The following PGM5 variants were observed in gnomAD, a reference collection of about 807,000 sequenced individuals.
PGM5 encodes phosphoglucomutase 5.
A neutral mutation model predicts 59.2 loss-of-function variants in PGM5; 23 were observed. That is an observed-to-expected ratio of 0.39 (90% confidence interval 0.28 to 0.55). PGM5 has a LOEUF of 0.55. PGM5 is among the 20% of genes least tolerant of loss of function. The pLI is 0.66. For synonymous variants in PGM5, 214 were observed against 286.0 expected, an observed-to-expected ratio of 0.75 and a Z score of 2.54; for missense variants, 574 against 748.3, an observed-to-expected ratio of 0.77 and a Z score of 2.72.
At chr9:68,497,280 T>C (rs1406859137) in intron 9 of PGM5, 1 of 152,236 alleles carries the variant, frequency 6.6e-6, no homozygotes, top group Non-Finnish European at 1.5e-5. Flanking sequence ...TATATTCATA[T>C]ACCCAGGATT....
rs376549268 is a variant in PGM5, at chr9:68,456,509, T to C, written c.1044-8584T>C. Among the ~76,000 whole-genome samples, 94 of 149,058 alleles carry C rather than the reference T, an allele frequency of 6.3e-4. No homozygotes were observed. In the East Asian group the frequency reaches 0.015, roughly 24 times the overall value. Reference sequence around the variant, plus strand: ...TTTTTTTTTGTATTTTTAGTAGAGATGGGGTTTCACCCCATCAGCCAGGAT... The same window carrying C: ...TTTTTTTTTGTATTTTTAGTAGAGACGGGGTTTCACCCCATCAGCCAGGAT... On this transcript the variant is annotated intron_variant, in intron 6 of 10. Transcript: ENST00000396396.
At chr9:68,441,828 C>T (rs148364962) in intron 6 of PGM5, among the ~76,000 whole-genome samples, 18 of 151,602 alleles carry the variant, frequency 1.2e-4, no homozygotes, top group Admixed American at 2.0e-4. Context: ...TCATAAATAA[C>T]GTAATTGTCT....
chr9:68,488,711 ACT>A (rs1824338351), intron 9 of PGM5, among the ~76,000 whole-genome samples: 1 of 149,856 alleles, frequency 6.7e-6, no homozygotes, highest in South Asian at 2.1e-4. Flanking sequence ...CCCAAGAGAG[ACT>A]CTGTTTGATT....
intron 6 of PGM5, among the ~76,000 whole-genome samples, chr9:68,434,435 T>C (rs902060999): frequency 6.6e-6 from 1 of 152,172 alleles, no homozygotes; most frequent in Non-Finnish European, 1.5e-5. Context: ...ATAGGGTACT[T>C]TGAGGTCCAC....
intron 10 of PGM5, among the ~76,000 whole-genome samples, chr9:68,502,109 G>A (rs569702038): frequency 6.6e-6 from 1 of 152,316 alleles, no homozygotes; most frequent in African/African-American, 2.4e-5. Context: ...TGGTGGTAAG[G>A]AGAGGATGGG....
In PGM5 at chr9:68,437,924, A is replaced by G. The variant is rs1823465622; in HGVS notation, c.1044-27169A>G. 6.6e-6 allele frequency among the ~76,000 whole-genome samples: 1 copy of G among 152,128 alleles called. No individual in the cohort carries two copies. ...TGTCCCCATAATTCTCTGTTGTCACATATCCAGCTGGCTGCTTTACCACAC... is the reference window on the plus strand; with the variant it reads ...TGTCCCCATAATTCTCTGTTGTCACGTATCCAGCTGGCTGCTTTACCACAC... On this transcript the variant is annotated intron_variant, in intron 6 of 10. Transcript: ENST00000396396. The surrounding 1 kb of genome is among the most constrained non-coding windows in gnomAD (Gnocchi z 4.1).
chr9:68,367,973 T>G (rs1834711731), intron 1 of PGM5, among the ~76,000 whole-genome samples: 1 of 152,132 alleles, frequency 6.6e-6, no homozygotes, highest in Non-Finnish European at 1.5e-5. Flanking sequence ...GTTTTTGTTT[T>G]GGGGATATAT....
chr9:68,446,689 G>A (rs559836933), intron 6 of PGM5, among the ~76,000 whole-genome samples: 2 of 152,204 alleles, frequency 1.3e-5, no homozygotes, highest in Non-Finnish European at 2.9e-5. Context: ...TAATACTGGG[G>A]TGGAGAAGCT....
chr9:68,514,364 G>A (rs970383969), intron 10 of PGM5, among the ~76,000 whole-genome samples: 2 of 152,174 alleles, frequency 1.3e-5, no homozygotes, highest in Admixed American at 6.5e-5. Context: ...CACTTTGGGA[G>A]GCTGAGACGG....
intron 1 of PGM5, among the ~76,000 whole-genome samples, chr9:68,374,412 A>T: frequency 6.8e-6 from 1 of 147,708 alleles, no homozygotes; most frequent in Non-Finnish European, 1.5e-5. Flanking sequence ...TATAGGTGTA[A>T]TTATTGTCCT....
In PGM5 at chr9:68,484,382, A is replaced by C. The variant is rs542346883; in HGVS notation, c.1479+334A>C. ...AGACCCCCATCTCTACCAAAAAAAA[A>C]AAAAAAAAATAGCTGGGCATGGTGG... On this transcript the variant is annotated intron_variant, in intron 9 of 10. Coordinates refer to ENST00000396396, the MANE Select transcript of PGM5 (RefSeq NM_021965.4). Among the ~76,000 whole-genome samples, 36 of 151,778 alleles carry C rather than the reference A, an allele frequency of 2.4e-4. No individual in the cohort carries two copies. In the East Asian group the frequency reaches 6.4e-3, roughly 27 times the overall value.
intron 1 of PGM5, among the ~76,000 whole-genome samples, chr9:68,373,396 T>C (rs1821791180): frequency 6.6e-6 from 1 of 152,144 alleles, no homozygotes; most frequent in South Asian, 2.1e-4. Flanking sequence ...ATAACTAAAG[T>C]ATTTCAGGTT....
At chr9:68,399,871 A>T (rs1822622052) in intron 6 of PGM5, among the ~76,000 whole-genome samples, 1 of 152,094 alleles carries the variant, frequency 6.6e-6, no homozygotes, top group Non-Finnish European at 1.5e-5. Context: ...ATTTTTCCTG[A>T]AAATTGTTTT....
Position 68,529,866 on chromosome 9 carries a change from T to C in PGM5, c.*210T>C. Reference sequence around the variant, plus strand: ...CCTCCAAATGCAGCAGGGCCTTTAGTTGTCTGTTAAAGCTGCACTATAATT... The same window carrying C: ...CCTCCAAATGCAGCAGGGCCTTTAGCTGTCTGTTAAAGCTGCACTATAATT... On this transcript the variant is annotated 3_prime_UTR_variant, in exon 11 of 11. Coordinates refer to ENST00000396396, the MANE Select transcript of PGM5 (RefSeq NM_021965.4). 1 of 472,050 alleles carries C rather than the reference T, an allele frequency of 2.1e-6. No homozygotes were observed. The highest frequency in any genetic ancestry group is 2.8e-5 in the South Asian group (1 of 35,982). 29.2% of individuals were successfully genotyped at this position (472,050 alleles called of 1,614,324 possible).
chr9:68,488,978 G>A (rs1564019739), intron 9 of PGM5, among the ~76,000 whole-genome samples: 1 of 152,198 alleles, frequency 6.6e-6, no homozygotes, highest in Non-Finnish European at 1.5e-5. Context: ...GGAGTTGTGT[G>A]ATTCATGTGG....
intron 6 of PGM5, among the ~76,000 whole-genome samples, chr9:68,427,696 G>A (rs1390439400): frequency 6.6e-6 from 1 of 152,226 alleles, no homozygotes; most frequent in Non-Finnish European, 1.5e-5. Flanking sequence ...TCTGCAAGGG[G>A]ATGTAGAAAG....
intron 10 of PGM5, among the ~76,000 whole-genome samples, chr9:68,527,994 C>T (rs560210303): frequency 1.8e-4 from 27 of 152,270 alleles, no homozygotes; most frequent in African/African-American, 6.3e-4. Context: ...CAATGGATTG[C>T]TTGTGATGTC....
At chr9:68,479,741 C>T (rs559396312) in intron 8 of PGM5, among the ~76,000 whole-genome samples, 188 bp downstream of exon 8, 2 of 152,020 alleles carry the variant, frequency 1.3e-5, no homozygotes, top group Middle Eastern at 3.4e-3. Context: ...GAGACCATCC[C>T]GGCTAAAACG....
intron 1 of PGM5, among the ~76,000 whole-genome samples, chr9:68,360,243 A>G (rs1834550995): frequency 6.6e-6 from 1 of 152,062 alleles, no homozygotes; most frequent in Non-Finnish European, 1.5e-5. Flanking sequence ...ATATTTTAAT[A>G]TCTCATAAAG....
Sources: gnomAD v4.1 joint callset for allele counts (sites outside exome capture counted in the v4.1 genomes callset) on GRCh38, gnomAD v4.1.1 for gene constraint, Gnocchi (gnomAD v3.1) non-coding constraint, MANE v1.5 for transcripts, NCBI Gene and HGNC (gene_info 2026-07-23, HGNC 2026-07-21) for gene names.